Variants in UTP4 observed in about 807,000 individuals in gnomAD.
UTP4 encodes the protein U3 small nucleolar RNA-associated protein 4 homolog.
Under a neutral mutation model 82.4 loss-of-function variants are expected in UTP4, and 45 were observed. The ratio of observed to expected loss-of-function variants is 0.55; its 90% CI spans 0.43 to 0.70. The LOEUF (loss-of-function observed/expected upper bound fraction) is 0.70, where lower values mean the gene tolerates loss of function less well. Ranked by LOEUF, UTP4 falls within the 30% of genes least tolerant of loss-of-function variation. UTP4 has a pLI of 0.00. For synonymous variants in UTP4, 348 were observed against 300.3 expected, an observed-to-expected ratio of 1.16 and a Z score of -1.64; for missense variants, 819 against 858.3, an observed-to-expected ratio of 0.95 and a Z score of 0.57.
At chr16:69,155,784 G>C in intron 10 of UTP4, 87 bp from the exon 11 acceptor site, 1 of 1,383,724 alleles carries the variant, frequency 7.2e-7, no homozygotes, top group Non-Finnish European at 1.0e-6. Context: ...TATGTCCAGA[G>C]TGGCAAGAGC....
intron 8 of UTP4, 53 bp downstream of exon 8, chr16:69,150,957 C>T (rs1963246745): frequency 8.2e-6 from 11 of 1,349,212 alleles, no homozygotes; most frequent in South Asian, 3.5e-5. Context: ...ATCCCTGTGT[C>T]CCCCTGTCCC....
chr16:69,154,558 A>G (rs1963359286), intron 10 of UTP4, 101 bp downstream of exon 10: 1 of 909,176 alleles, frequency 1.1e-6, no homozygotes, highest in Non-Finnish European at 1.8e-6. Flanking sequence ...CATAAATTGT[A>G]TAAATTCTAA....
Position 69,165,333 on chromosome 16 carries a change from T to TCC in UTP4, c.1648-6_1648-5dup. 6.2e-7 allele frequency: 1 copy of TCC among 1,613,942 alleles called. No individual in the cohort carries two copies. Among genetic ancestry groups the TCC allele is most frequent in the Non-Finnish European group, 8.5e-7 (1 of 1,179,822 alleles). ...GCCTGCATTTCTCTATGTCATGTCC[T>TCC]CCCTCAGGTATTTGAGTACAGCATC... On this transcript the variant is annotated splice_polypyrimidine_tract_variant and splice_region_variant and intron_variant, in intron 14 of 16. Transcript: ENST00000314423.
At chr16:69,145,120 C>T (rs117287466) in intron 6 of UTP4, among the ~76,000 whole-genome samples, 5,827 of 151,664 alleles carry the variant, frequency 0.038, 217 homozygotes, top group Non-Finnish European at 0.048. Flanking sequence ...CCAGCCTGGG[C>T]GACAAAAGCA....
At position 69,168,751 on chromosome 16, in the gene UTP4, C is replaced by T. The variant is rs528723159; in HGVS notation, c.1945-70C>T. 2.6e-4 allele frequency: 244 copies of T among 942,952 alleles called. 3 individuals are homozygous for T. In the East Asian group the frequency reaches 5.7e-3, roughly 22 times the overall value. The allele number at this position is 942,952 out of a possible 1,614,324, so 58.4% of individuals were successfully genotyped here. On this transcript the variant is annotated intron_variant, in intron 16 of 16. Coordinates refer to ENST00000314423, the MANE Select transcript of UTP4 (RefSeq NM_032830.3). The stretch of plus-strand genomic sequence containing the variant: ...ACCTTTTAGCTTAGATGGTGTCTAC[C>T]TACAGTCAGTTCTTTCAGGACTAGC...
chr16:69,167,468 G>A (rs1366249821), intron 16 of UTP4: 3 of 392,776 alleles, frequency 7.6e-6, no homozygotes, highest in African/African-American at 6.2e-5. Flanking sequence ...ATGAGAGCTG[G>A]CTTTAAATTT....
intron 11 of UTP4, among the ~76,000 whole-genome samples, chr16:69,156,457 C>T (rs1239771486): frequency 6.7e-6 from 1 of 150,002 alleles, no homozygotes; most frequent in Non-Finnish European, 1.5e-5. Context: ...AGCCACCGCA[C>T]CCAGCCTTTT....
chr16:69,142,260 A>G (rs543014922), intron 5 of UTP4: 3 of 152,252 alleles, frequency 2.0e-5, no homozygotes, highest in Admixed American at 1.3e-4. Flanking sequence ...CTTTTGTGTC[A>G]GTTATGTTCC....
chr16:69,161,495 T>A (rs1487276876), intron 13 of UTP4, among the ~76,000 whole-genome samples: 3 of 152,238 alleles, frequency 2.0e-5, no homozygotes, highest in African/African-American at 7.2e-5. Flanking sequence ...GCTTTGCAAT[T>A]GTACATAAAA....
chr16:69,141,016 T>C (rs1326479018), intron 5 of UTP4, among the ~76,000 whole-genome samples: 1 of 152,254 alleles, frequency 6.6e-6, no homozygotes, highest in Admixed American at 6.5e-5. Flanking sequence ...TTTTCTTTCT[T>C]TTCCGGTATA....
intron 2 of UTP4, 127 bp downstream of exon 2, chr16:69,133,745 T>A: frequency 1.1e-6 from 1 of 925,172 alleles, no homozygotes; most frequent in Non-Finnish European, 1.7e-6. Context: ...TGCTTAGAAC[T>A]ACCAAACTTC....
intron 13 of UTP4, among the ~76,000 whole-genome samples, chr16:69,161,237 G>C (rs992011794): frequency 6.6e-6 from 1 of 152,232 alleles, no homozygotes; most frequent in African/African-American, 2.4e-5. Context: ...GACGCTGTCA[G>C]TCATAAATTG....
At chr16:69,154,275 T>G in intron 9 of UTP4, 118 bp from the exon 10 acceptor site, 1 of 788,788 alleles carries the variant, frequency 1.3e-6, no homozygotes. Context: ...TGAGCTTGTA[T>G]TTTTCTGATT....
intron 10 of UTP4, among the ~76,000 whole-genome samples, chr16:69,155,655 A>G (rs1963390745): frequency 6.6e-6 from 1 of 152,188 alleles, no homozygotes; most frequent in Admixed American, 6.5e-5. Flanking sequence ...CAAAATAAGA[A>G]TAGACCTCCA....
rs942726179 is a variant in UTP4, at chr16:69,165,737, G to T, written c.1833+211G>T. 4.7e-6 allele frequency: 3 copies of T among 642,674 alleles called. No individual in the cohort carries two copies. The African/African-American group carries it at 5.4e-5, about 12-fold the overall frequency. 39.8% of individuals were successfully genotyped at this position (642,674 alleles called of 1,614,324 possible). ...CACAGTTCTTCGGGAGGCTCTCGGG[G>T]AAGGGGCTGGCCTTTGTATACTGGC... On this transcript the variant is annotated intron_variant, in intron 15 of 16. Transcript: ENST00000314423.
chr16:69,135,095 TTG>T (rs1373641492), intron 2 of UTP4, among the ~76,000 whole-genome samples: 1 of 152,058 alleles, frequency 6.6e-6, no homozygotes, highest in Non-Finnish European at 1.5e-5. Flanking sequence ...ACTATATAAT[TTG>T]TGTGTTTGTT....
At chr16:69,163,453 T>G (rs1015177737) in intron 14 of UTP4, among the ~76,000 whole-genome samples, 5 of 152,164 alleles carry the variant, frequency 3.3e-5, no homozygotes, top group Admixed American at 6.5e-5. Context: ...CTCATTTTCC[T>G]GATTGTTTTA....
chr16:69,166,021 A>G (rs987799742), intron 15 of UTP4: 1 of 194,280 alleles, frequency 5.1e-6, no homozygotes, highest in East Asian at 1.3e-4. Context: ...TGGTCTTAAC[A>G]TCTTCGAAAA....
At chr16:69,155,579 G>T (rs1039032708) in intron 10 of UTP4, among the ~76,000 whole-genome samples, 7 of 152,112 alleles carry the variant, frequency 4.6e-5, no homozygotes, top group Non-Finnish European at 8.8e-5. Context: ...TTCAGTAAAT[G>T]CCTCCCTGCT....
Sources: gnomAD v4.1 joint callset for allele counts (sites outside exome capture counted in the v4.1 genomes callset) on GRCh38, gnomAD v4.1.1 for gene constraint, MANE v1.5 for transcripts, NCBI Gene and HGNC (gene_info 2026-07-23, HGNC 2026-07-21) for gene names.